Variants in PPFIA2 observed in about 807,000 individuals in gnomAD.
PPFIA2 encodes PPFI scaffold protein A2, also known as liprin-alpha-2.
In PPFIA2, 46 loss-of-function variants were observed where a neutral mutation model predicts 175.5. The ratio of observed to expected loss-of-function variants is 0.26; its 90% CI spans 0.21 to 0.34. PPFIA2 has a LOEUF of 0.34. Ranked by LOEUF, PPFIA2 falls within the 10% of genes least tolerant of loss-of-function variation. The probability of loss-of-function intolerance (pLI) is 1.00; values close to 1 mark genes in which losing one functional copy is unlikely to be tolerated. For missense variants in PPFIA2, 1,179 were observed against 1,506.1 expected (o/e 0.78, Z 3.60); for synonymous variants, 568 against 511.4 (o/e 1.11, Z -1.49).
In PPFIA2 at chr12:81,347,701, C is replaced by T; in HGVS notation, c.2064G>A (p.Val688=). Residue 688 remains valine (V), a synonymous_variant, in exon 18 of 33, where the codon GTG becomes GTA. Transcript: ENST00000549396. ...TTGCCAAATTCAGGCCTTCGAGGCTCACACTAGCCACTCTATTTTCAATTT... is the reference window on the plus strand; with the variant it reads ...TTGCCAAATTCAGGCCTTCGAGGCTTACACTAGCCACTCTATTTTCAATTT... The part of the protein sequence containing the change: ...AEEIENRVAS[V]SLEGLNLARV... 1.2e-6 allele frequency: 2 copies of T among 1,613,834 alleles called. No homozygotes were observed. Among genetic ancestry groups the T allele is most frequent in the Non-Finnish European group, 1.7e-6 (2 of 1,179,808 alleles).
chr12:81,740,104 T>G (rs2082150559), intron 3 of PPFIA2, among the ~76,000 whole-genome samples: 2 of 152,076 alleles, frequency 1.3e-5, no homozygotes, highest in African/African-American at 2.4e-5. Context: ...AAAATATTCA[T>G]TTTTGGGGAA....
At chr12:81,435,744 C>T (rs2048866854) in intron 7 of PPFIA2, among the ~76,000 whole-genome samples, 1 of 150,590 alleles carries the variant, frequency 6.6e-6, no homozygotes, top group Non-Finnish European at 1.5e-5. Flanking sequence ...AGATATCATT[C>T]ACAATCTAAA....
intron 2 of PPFIA2, among the ~76,000 whole-genome samples, chr12:81,757,962 C>T (rs2084940486): frequency 6.6e-6 from 1 of 152,214 alleles, no homozygotes; most frequent in Non-Finnish European, 1.5e-5. Context: ...AAATCCTAGC[C>T]ATTGTCTGAT....
chr12:81,603,822 G>T (rs1595511167), intron 4 of PPFIA2, among the ~76,000 whole-genome samples: 2 of 58,830 alleles, frequency 3.4e-5, no homozygotes, highest in African/African-American at 7.3e-5. Context: ...TCACTATTCT[G>T]ACTAAAAAAA....
chr12:81,548,158 G>A (rs2067278445), intron 4 of PPFIA2, among the ~76,000 whole-genome samples: 1 of 152,138 alleles, frequency 6.6e-6, no homozygotes, highest in Non-Finnish European at 1.5e-5. Context: ...AAACACCAGA[G>A]TAGGAGATAG....
At chr12:81,601,597 CT>C (rs10712089) in intron 4 of PPFIA2, among the ~76,000 whole-genome samples, 40,453 of 148,230 alleles carry the variant, frequency 0.27, 5,885 homozygotes, top group African/African-American at 0.38. Flanking sequence ...ACATTTGACA[CT>C]TTTTTTTTTT....
chr12:81,580,718 A>G (rs1160871775), intron 4 of PPFIA2, among the ~76,000 whole-genome samples: 1 of 151,818 alleles, frequency 6.6e-6, no homozygotes, highest in Non-Finnish European at 1.5e-5. Context: ...GATACTTCAT[A>G]TTCTATAGAA....
chr12:81,676,649 C>A, intron 4 of PPFIA2, 142 bp downstream of exon 4: 1 of 493,630 alleles, frequency 2.0e-6, no homozygotes, highest in East Asian at 3.6e-5. Context: ...CAATTTCATA[C>A]TTCTGTTATT....
At chr12:81,591,842 T>C (rs1922401) in intron 4 of PPFIA2, among the ~76,000 whole-genome samples, 134,132 of 151,854 alleles carry the variant, frequency 0.88, 59,357 homozygotes, top group East Asian at 1. Context: ...ACCTCTGCTA[T>C]GGCAGTGCAG....
chr12:81,587,764 C>T (rs990897456), intron 4 of PPFIA2, among the ~76,000 whole-genome samples: 1 of 151,916 alleles, frequency 6.6e-6, no homozygotes, highest in Non-Finnish European at 1.5e-5. Context: ...GAATAATATG[C>T]TATTGTGACT....
chr12:81,346,710 G>GT (rs1307779755), intron 18 of PPFIA2, among the ~76,000 whole-genome samples: 1 of 151,420 alleles, frequency 6.6e-6, no homozygotes, highest in South Asian at 2.1e-4. Flanking sequence ...AGTAGCTGTT[G>GT]TTTTTTATGG....
At chr12:81,613,747 T>C (rs972295005) in intron 4 of PPFIA2, among the ~76,000 whole-genome samples, 1 of 152,162 alleles carries the variant, frequency 6.6e-6, no homozygotes, top group African/African-American at 2.4e-5. Context: ...ACTAGAATAA[T>C]GCATAGCATG....
chr12:81,530,753 A>G (rs1230703691), intron 4 of PPFIA2, among the ~76,000 whole-genome samples: 14 of 62,852 alleles, frequency 2.2e-4, no homozygotes, highest in Admixed American at 2.1e-3. Context: ...TAAAAAAGAG[A>G]AAAAAAAAAA....
intron 4 of PPFIA2, among the ~76,000 whole-genome samples, chr12:81,647,756 G>T (rs2066358222): frequency 2.7e-5 from 3 of 111,448 alleles, no homozygotes; most frequent in Non-Finnish European, 5.0e-5. Flanking sequence ...GCAAGACTCT[G>T]TCTCAAATAT....
chr12:81,729,629 A>G (rs946408858), intron 3 of PPFIA2, among the ~76,000 whole-genome samples: 2 of 151,612 alleles, frequency 1.3e-5, no homozygotes, highest in African/African-American at 4.8e-5. Flanking sequence ...CTTTGCAAAT[A>G]TAATTAAGGT....
intron 4 of PPFIA2, among the ~76,000 whole-genome samples, chr12:81,562,091 T>A (rs2070224657): frequency 6.6e-6 from 1 of 152,228 alleles, no homozygotes; most frequent in Non-Finnish European, 1.5e-5. Flanking sequence ...TTGTTGTCTC[T>A]TAAAAAGATA....
intron 3 of PPFIA2, among the ~76,000 whole-genome samples, chr12:81,728,321 C>A (rs1442476395): frequency 1.3e-5 from 2 of 151,306 alleles, no homozygotes; most frequent in African/African-American, 4.8e-5. Flanking sequence ...ATCACATAAA[C>A]ATAATATTAA....
At chr12:81,455,041 A>T (rs987987199) in intron 5 of PPFIA2, among the ~76,000 whole-genome samples, 2 of 152,084 alleles carry the variant, frequency 1.3e-5, no homozygotes, top group Non-Finnish European at 2.9e-5. Flanking sequence ...TTTGCTCACA[A>T]TCTGACACCA....
chr12:81,728,946 T>C (rs1206043073), intron 3 of PPFIA2, among the ~76,000 whole-genome samples: 1 of 151,444 alleles, frequency 6.6e-6, no homozygotes, highest in African/African-American at 2.4e-5. Flanking sequence ...AACTCATCTA[T>C]CTGTAGTCAA....
Sources: gnomAD v4.1 joint callset for allele counts (sites outside exome capture counted in the v4.1 genomes callset) on GRCh38, gnomAD v4.1.1 for gene constraint, MANE v1.5 for transcripts, NCBI Gene and HGNC (gene_info 2026-07-23, HGNC 2026-07-21) for gene names.